Variants in DMD observed in about 807,000 individuals in gnomAD.
The protein encoded by DMD is mutant dystrophin.
A neutral mutation model predicts 330.1 loss-of-function variants in DMD; 63 were observed. The observed-to-expected ratio is 0.19, with a 90% confidence interval of 0.16 to 0.24. The LOEUF (loss-of-function observed/expected upper bound fraction) is 0.24, where lower values mean the gene tolerates loss of function less well. DMD is among the 10% of genes least tolerant of loss of function. DMD has a pLI of 1.00. For synonymous variants in DMD, 1,223 were observed against 959.8 expected, an observed-to-expected ratio of 1.27 and a Z score of -5.07; for missense variants, 3,344 against 2,684.1, an observed-to-expected ratio of 1.25 and a Z score of -5.43.
At chrX:32,376,208 G>A (rs1318678377) in intron 34 of DMD, among the ~76,000 whole-genome samples, 3 of 111,680 alleles carry the variant, frequency 2.7e-5, no homozygotes, top group Non-Finnish European at 5.6e-5. Context: ...TTGAACCCAG[G>A]AGGTTGCAGT....
At chrX:31,499,439 T>A (rs750824882) in intron 56 of DMD, among the ~76,000 whole-genome samples, 41 of 110,531 alleles carry the variant, frequency 3.7e-4, no homozygotes, top group African/African-American at 1.3e-3. Flanking sequence ...ATGAACCCCT[T>A]TAGGTCCCCT....
At chrX:33,189,059 TC>T (rs1489426661) in intron 1 of DMD, among the ~76,000 whole-genome samples, 1 of 111,696 alleles carries the variant, frequency 9.0e-6, no homozygotes, top group Non-Finnish European at 1.9e-5. Flanking sequence ...AATAATACAT[TC>T]CTTATTCATT....
chrX:32,747,530 G>A (rs926434830), intron 7 of DMD, among the ~76,000 whole-genome samples: 2 of 112,041 alleles, frequency 1.8e-5, no homozygotes, highest in African/African-American at 6.5e-5. Context: ...GTCCAGGCTC[G>A]AGTGCAGTGG....
rs1212336405 is a variant in DMD, at chrX:32,252,823, AAT to A, written c.6290+34704_6290+34705del. On this transcript the variant is annotated intron_variant, in intron 43 of 78. Transcript: ENST00000357033. ...ATATATAAATATATATAAGTATATA[AAT>A]ATATATAAATATATATAAATATATA... Among the ~76,000 whole-genome samples, 60 of 55,954 alleles carry A rather than the reference AAT, an allele frequency of 1.1e-3. 3 individuals are homozygous for A. The highest frequency in any genetic ancestry group is 5.4e-3 in the African/African-American group (57 of 10,535). The allele number at this position is 55,954 out of a possible 115,157, so 48.6% of individuals were successfully genotyped here. A position where few individuals can be genotyped will look rare whatever the true frequency, so the allele number is the denominator to read the frequency against.
At chrX:31,773,363 C>G (rs911435194) in intron 51 of DMD, among the ~76,000 whole-genome samples, 4 of 112,006 alleles carry the variant, frequency 3.6e-5, no homozygotes, top group Non-Finnish European at 7.5e-5. Context: ...GAAAAATGCA[C>G]TATTTGTATT....
intron 44 of DMD, among the ~76,000 whole-genome samples, chrX:32,077,623 G>T (rs756990861): frequency 9.0e-6 from 1 of 111,016 alleles, no homozygotes; most frequent in African/African-American, 3.3e-5. Flanking sequence ...TCAGCTTGCT[G>T]TGCCCCTTCA....
chrX:32,671,369 ACTCT>A (rs1261501822), intron 9 of DMD, among the ~76,000 whole-genome samples: 1 of 110,959 alleles, frequency 9.0e-6, no homozygotes, highest in Non-Finnish European at 1.9e-5. Context: ...ACACACACAC[ACTCT>A]GAGAAAAAGA....
intron 4 of DMD, among the ~76,000 whole-genome samples, chrX:32,834,162 G>T (rs1313093922): frequency 1.8e-5 from 2 of 111,475 alleles, no homozygotes; most frequent in African/African-American, 3.2e-5. Flanking sequence ...TAGTTGATAA[G>T]TTACAGAGTT....
intron 44 of DMD, among the ~76,000 whole-genome samples, chrX:32,109,944 C>T (rs1486856646): frequency 1.8e-5 from 2 of 111,286 alleles, no homozygotes; most frequent in African/African-American, 6.5e-5. Context: ...CAAATAACAC[C>T]AACATCAAAA....
chrX:31,339,773 C>T, intron 61 of DMD, among the ~76,000 whole-genome samples: 1 of 111,915 alleles, frequency 8.9e-6, no homozygotes, highest in South Asian at 3.7e-4. Context: ...CAGGGTTTCT[C>T]CATGTTGGTC....
chrX:31,505,105 C>A (rs771653059), intron 56 of DMD, among the ~76,000 whole-genome samples: 1 of 112,252 alleles, frequency 8.9e-6, no homozygotes, highest in Non-Finnish European at 1.9e-5. Context: ...TAGCATCTTT[C>A]TTTTTCTTTT....
At chrX:33,043,036 CA>C (rs2094326449) in intron 1 of DMD, among the ~76,000 whole-genome samples, 1 of 111,826 alleles carries the variant, frequency 8.9e-6, no homozygotes, top group Admixed American at 9.5e-5. Flanking sequence ...CAGTGGTCAA[CA>C]AAAACAATTC....
intron 2 of DMD, among the ~76,000 whole-genome samples, chrX:32,884,426 A>T (rs913943376): frequency 2.7e-5 from 3 of 112,068 alleles, no homozygotes; most frequent in Non-Finnish European, 5.6e-5. Flanking sequence ...TTGAGCCCTT[A>T]CTATGGGCCA....
At chrX:32,007,237 TAATAA>T (rs1424685300) in intron 44 of DMD, among the ~76,000 whole-genome samples, 1 of 104,874 alleles carries the variant, frequency 9.5e-6, no homozygotes, top group Non-Finnish European at 2.0e-5. Context: ...ATAATAATAA[TAATAA>T]TAATAATAAA....
chrX:31,235,196 C>T (rs1377349748), intron 63 of DMD, among the ~76,000 whole-genome samples: 1 of 111,744 alleles, frequency 8.9e-6, no homozygotes, highest in Admixed American at 9.5e-5. Context: ...TGCTTATGTA[C>T]ATACAGAAAC....
chrX:33,080,328 C>T (rs951765378), intron 1 of DMD, among the ~76,000 whole-genome samples: 1 of 111,326 alleles, frequency 9.0e-6, no homozygotes, highest in Non-Finnish European at 1.9e-5. Context: ...TTTCACTTTG[C>T]TTAAACCCTC....
At chrX:32,333,181 T>G (rs1256671488) in intron 41 of DMD, among the ~76,000 whole-genome samples, 1 of 112,025 alleles carries the variant, frequency 8.9e-6, no homozygotes, top group Non-Finnish European at 1.9e-5. Flanking sequence ...TTTTCCATTT[T>G]TTTACCATTT....
chrX:32,728,901 C>A (rs938904733), intron 7 of DMD, among the ~76,000 whole-genome samples: 1 of 111,746 alleles, frequency 8.9e-6, no homozygotes, highest in Non-Finnish European at 1.9e-5. Flanking sequence ...TCTTGCCATG[C>A]CAAACTGAAA....
chrX:31,311,307 C>G (rs1002545437), intron 62 of DMD, among the ~76,000 whole-genome samples: 1 of 111,564 alleles, frequency 9.0e-6, no homozygotes, highest in Non-Finnish European at 1.9e-5. Flanking sequence ...TGCAAAGGCT[C>G]CTGCAGAGCA....
Sources: gnomAD v4.1 joint callset for allele counts (sites outside exome capture counted in the v4.1 genomes callset) on GRCh38, gnomAD v4.1.1 for gene constraint, MANE v1.5 for transcripts, NCBI Gene and HGNC (gene_info 2026-07-23, HGNC 2026-07-21) for gene names.